The following SYTL5 variants were observed in gnomAD, a reference collection of about 807,000 sequenced individuals.
SYTL5 encodes the protein synaptotagmin-like protein 5.
SYTL5 carries 34 observed loss-of-function variants against 55.9 expected under a neutral mutation model. The observed-to-expected ratio is 0.61, with a 90% CI of 0.46 to 0.81. SYTL5 has a LOEUF of 0.81. Among genes scored for constraint, SYTL5 ranks in the 30% least tolerant of loss-of-function variants. SYTL5 has a pLI of 0.00. For synonymous variants in SYTL5, 221 were observed against 188.7 expected (o/e 1.17, Z -1.40); for missense variants, 637 against 546.7 (o/e 1.17, Z -1.65).
intron 9 of SYTL5, among the ~76,000 whole-genome samples, chrX:38,101,824 CA>C (rs74314259): frequency 0.36 from 24,426 of 67,254 alleles, 3,199 homozygotes; most frequent in African/African-American, 0.56. Context: ...AATAACTAGG[CA>C]AAAAAAAAAA....
At chrX:38,081,024 A>T (rs1307386010) in intron 6 of SYTL5, among the ~76,000 whole-genome samples, 3 of 112,355 alleles carry the variant, frequency 2.7e-5, no homozygotes, top group Non-Finnish European at 5.6e-5. Context: ...AATGTATAGC[A>T]TATCTCTGAA....
the SYTL5 span, among the ~76,000 whole-genome samples, chrX:37,987,876 T>G: frequency 6.3e-5 from 7 of 111,889 alleles, no homozygotes; most frequent in Admixed American, 2.8e-4. Context: ...AGTTTTACAG[T>G]GACATTAGCT....
the SYTL5 span, among the ~76,000 whole-genome samples, chrX:37,995,139 A>T: frequency 1.2e-4 from 13 of 110,347 alleles, no homozygotes; most frequent in Non-Finnish European, 3.8e-5. Flanking sequence ...GTCTCTGAAC[A>T]GGAAGGCCTT....
Position 38,043,702 on chromosome X carries a change from T to TATAC in SYTL5, c.119+9695_119+9696insTACA, listed in dbSNP as rs1336463479. On this transcript the variant is annotated intron_variant, in intron 2 of 16. Transcript: ENST00000297875. ...ATATATATATATATACATATATATA[T>TATAC]ACATATTTTCATATAGCTGGAAATT... Among the ~76,000 whole-genome samples, 532 of 89,609 alleles carry TATAC rather than the reference T, an allele frequency of 5.9e-3. 4 individuals carry two copies. Among genetic ancestry groups the TATAC allele is most frequent in the Non-Finnish European group, 9.3e-3 (424 of 45,365 alleles). The allele number at this position is 89,609 out of a possible 115,157, so 77.8% of individuals were successfully genotyped here.
the SYTL5 span, among the ~76,000 whole-genome samples, chrX:37,960,862 C>G: frequency 9.2e-6 from 1 of 108,415 alleles, no homozygotes; most frequent in South Asian, 4.0e-4. Flanking sequence ...GTGGCGCAAT[C>G]TCGGCTCACT....
chrX:37,920,967 G>A, the SYTL5 span, among the ~76,000 whole-genome samples: 1 of 111,138 alleles, frequency 9.0e-6, no homozygotes, highest in East Asian at 2.8e-4. Context: ...TTCTTACAAA[G>A]GTCACATGAT....
the SYTL5 span, among the ~76,000 whole-genome samples, chrX:37,899,173 A>T: frequency 1.8e-5 from 2 of 111,696 alleles, no homozygotes; most frequent in East Asian, 5.5e-4. Flanking sequence ...GCATTAATCT[A>T]TTATACATCA....
chrX:37,942,328 G>A, the SYTL5 span, among the ~76,000 whole-genome samples: 25 of 111,614 alleles, frequency 2.2e-4, no homozygotes, highest in Non-Finnish European at 3.8e-4. Flanking sequence ...CAAGTATTAC[G>A]TGCTGCTTCT....
At chrX:37,926,860 G>A in the SYTL5 span, among the ~76,000 whole-genome samples, 1 of 111,742 alleles carries the variant, frequency 8.9e-6, no homozygotes, top group East Asian at 2.8e-4. Context: ...AGTAGTTTGT[G>A]TGTGATAGTT....
chrX:37,986,780 A>C, the SYTL5 span, among the ~76,000 whole-genome samples: 1 of 112,107 alleles, frequency 8.9e-6, no homozygotes, highest in Admixed American at 9.4e-5. Context: ...GTAGTGATGA[A>C]GCTTTTTATC....
chrX:37,930,504 G>A, the SYTL5 span, among the ~76,000 whole-genome samples: 1 of 111,223 alleles, frequency 9.0e-6, no homozygotes, highest in African/African-American at 3.3e-5. Flanking sequence ...CATTGGCAAT[G>A]AGGTGACCTA....
intron 13 of SYTL5, among the ~76,000 whole-genome samples, chrX:38,112,002 T>G (rs1485127566): frequency 9.8e-6 from 1 of 102,383 alleles, no homozygotes; most frequent in Non-Finnish European, 1.9e-5. Flanking sequence ...CAGTAATCAC[T>G]TCCACATTGT....
the SYTL5 span, among the ~76,000 whole-genome samples, chrX:37,934,077 A>G: frequency 8.9e-6 from 1 of 111,974 alleles, no homozygotes; most frequent in Non-Finnish European, 1.9e-5. Context: ...CTAAGCAATC[A>G]AGAAACCCTG....
chrX:37,988,546 A>G, the SYTL5 span, among the ~76,000 whole-genome samples: 1 of 112,370 alleles, frequency 8.9e-6, no homozygotes, highest in Non-Finnish European at 1.9e-5. Context: ...ATAGACTGGA[A>G]TAATTTTCAG....
At chrX:38,058,662 A>C (rs1935855386) in intron 3 of SYTL5, among the ~76,000 whole-genome samples, 1 of 111,246 alleles carries the variant, frequency 9.0e-6, no homozygotes, top group Non-Finnish European at 1.9e-5. Flanking sequence ...TTATTAGGAA[A>C]TCAGCTATCA....
the SYTL5 span, among the ~76,000 whole-genome samples, chrX:37,953,284 C>A: frequency 9.0e-6 from 1 of 111,297 alleles, no homozygotes; most frequent in Non-Finnish European, 1.9e-5. Flanking sequence ...TGGTTGAAAT[C>A]ATCAAAGGAA....
At chrX:37,965,084 C>G in the SYTL5 span, among the ~76,000 whole-genome samples, 1 of 109,948 alleles carries the variant, frequency 9.1e-6, no homozygotes, top group African/African-American at 3.3e-5. Flanking sequence ...GTTCTCTAAC[C>G]TTTATTTCCT....
At chrX:37,892,435 A>T in the SYTL5 span, among the ~76,000 whole-genome samples, 1 of 103,053 alleles carries the variant, frequency 9.7e-6, no homozygotes, top group South Asian at 4.0e-4. Flanking sequence ...CATTTGCTAT[A>T]AGTTTGAATA....
In SYTL5 at chrX:38,091,293, A is replaced by G. The variant is rs138733051; in HGVS notation, c.831+1706A>G. Among the ~76,000 whole-genome samples, 282 of 112,430 alleles carry G rather than the reference A, an allele frequency of 2.5e-3. 1 individual carries two copies. The highest frequency in any genetic ancestry group is 8.7e-3 in the African/African-American group (268 of 30,945). On this transcript the variant is annotated intron_variant, in intron 7 of 16. Coordinates refer to ENST00000297875, the MANE Select transcript of SYTL5 (RefSeq NM_138780.3). ...CTGAAAAACAGTAATAGATTTATTTAAACATCTATAGTCTAAATTGTAGTT... is the reference window on the plus strand; with the variant it reads ...CTGAAAAACAGTAATAGATTTATTTGAACATCTATAGTCTAAATTGTAGTT...
Sources: gnomAD v4.1 joint callset for allele counts (sites outside exome capture counted in the v4.1 genomes callset) on GRCh38, gnomAD v4.1.1 for gene constraint, MANE v1.5 for transcripts, NCBI Gene and HGNC (gene_info 2026-07-23, HGNC 2026-07-21) for gene names.